The following PARP4 variants were observed in gnomAD, a reference collection of about 807,000 sequenced individuals.
The protein encoded by PARP4 is poly(ADP-ribose) polymerase family member 4.
Under a neutral mutation model 187.7 loss-of-function variants are expected in PARP4, and 120 were observed. The observed-to-expected ratio is 0.64, with a 90% CI of 0.55 to 0.74. The LOEUF (loss-of-function observed/expected upper bound fraction) is 0.74. Among genes scored for constraint, PARP4 ranks in the 30% least tolerant of loss-of-function variants. The pLI is 0.00. For synonymous variants in PARP4, 654 were observed against 740.9 expected (o/e 0.88, Z 1.90); for missense variants, 1,836 against 2,070.5 (o/e 0.89, Z 2.20).
rs1383528829 is a variant in PARP4 at position 24,494,733 on chromosome 13, T to C, written c.592-11A>G. 6 of 1,585,206 alleles carry C rather than the reference T, an allele frequency of 3.8e-6. No individual in the cohort carries two copies. The highest frequency in any genetic ancestry group is 5.2e-6 in the Non-Finnish European group (6 of 1,161,534). Reference sequence around the variant, plus strand: ...AAACTGTCTTCTAGTCTGTGAATTATGGTGTATAGCAAAAGTACAGTCATT... The same window carrying C: ...AAACTGTCTTCTAGTCTGTGAATTACGGTGTATAGCAAAAGTACAGTCATT... On this transcript the variant is annotated splice_polypyrimidine_tract_variant and intron_variant, in intron 6 of 33. Coordinates refer to ENST00000381989, the MANE Select transcript of PARP4 (RefSeq NM_006437.4).
rs759319570 is a variant in PARP4 at position 24,475,612 on chromosome 13, G to A, written c.1790-16C>T. 8 of 1,612,410 alleles carry A rather than the reference G, an allele frequency of 5.0e-6. No individual in the cohort carries two copies. The highest frequency in any genetic ancestry group is 6.8e-6 in the Non-Finnish European group (8 of 1,178,806). ...AACTGGTAATCTAAACGTTAAAAATGTTACTATTAGCTTTCAAAACCATCC... is the reference window on the plus strand; with the variant it reads ...AACTGGTAATCTAAACGTTAAAAATATTACTATTAGCTTTCAAAACCATCC... On this transcript the variant is annotated splice_polypyrimidine_tract_variant and intron_variant, in intron 14 of 33. Transcript: ENST00000381989.
chr13:24,475,774 TGA>T (rs1872953361), intron 14 of PARP4, among the ~76,000 whole-genome samples, 178 bp from the exon 15 acceptor site: 1 of 146,308 alleles, frequency 6.8e-6, no homozygotes, highest in East Asian at 2.1e-4. Context: ...ATGAGAAAAA[TGA>T]GAGGTGCCTT....
At chr13:24,495,821 G>A (rs1868913432) in intron 6 of PARP4, among the ~76,000 whole-genome samples, 1 of 152,190 alleles carries the variant, frequency 6.6e-6, no homozygotes, top group Non-Finnish European at 1.5e-5. Flanking sequence ...AGACGGTAGA[G>A]TTTAACATAA....
Position 24,449,806 on chromosome 13 carries a change from T to C in PARP4, c.3026A>G (p.Asn1009Ser), listed in dbSNP as rs144913046. Reference protein sequence around the residue: ...LFACGIGSTANRHVLRILSQC... With the variant: ...LFACGIGSTASRHVLRILSQC... ...GGACAAAATCCTTAAGACGTGACGATTTGCTGTAGAACTGATCACATTTCA... is the reference window on the plus strand; with the variant it reads ...GGACAAAATCCTTAAGACGTGACGACTTGCTGTAGAACTGATCACATTTCA... The change falls in exon 25 of 34, where the codon AAT (asparagine) becomes AGT (serine). Residue 1009 changes from asparagine (N) to serine (S), a missense_variant. By Grantham distance (46) the Asn-to-Ser change is conservative. This residue lies in a region of PARP4 where 56 missense variants were observed against 103.7 expected (regional missense o/e 0.54). Coordinates refer to ENST00000381989, the MANE Select transcript of PARP4 (RefSeq NM_006437.4). 8 of 1,598,698 alleles carry C rather than the reference T, an allele frequency of 5.0e-6. No homozygotes were observed. The highest frequency in any genetic ancestry group is 1.3e-5 in the African/African-American group (1 of 74,428).
chr13:24,506,069 C>T (rs942742079), intron 1 of PARP4, among the ~76,000 whole-genome samples: 15 of 152,226 alleles, frequency 9.9e-5, no homozygotes, highest in Non-Finnish European at 2.1e-4. Context: ...TTCTTGGTCT[C>T]ACTGACTTCA....
At position 24,493,620 on chromosome 13, in the gene PARP4, T is replaced by C. The variant is rs1351657895; in HGVS notation, c.855A>G (p.Pro285=). ...CATCGTTGAGGCTAATCCTGTTCAC[T>C]GGCTTGAGAAGCATGTGTTCCAGGT... ...LGHLEHMLLK[P]VNRISLNDVS... The change falls in exon 8 of 34, where the codon CCA becomes CCG. Residue 285 remains proline (P), a synonymous_variant. Coordinates refer to ENST00000381989, the MANE Select transcript of PARP4 (RefSeq NM_006437.4). 4.3e-6 allele frequency: 7 copies of C among 1,612,412 alleles called. No individual in the cohort carries two copies. The highest frequency in any genetic ancestry group is 5.9e-6 in the Non-Finnish European group (7 of 1,179,654).
At chr13:24,486,450 G>C in intron 10 of PARP4, 145 bp from the exon 11 acceptor site, 2 of 583,390 alleles carry the variant, frequency 3.4e-6, no homozygotes. Flanking sequence ...TATCTTGGAA[G>C]TATTATGTAG....
intron 25 of PARP4, among the ~76,000 whole-genome samples, chr13:24,449,194 C>A (rs998904095): frequency 3.9e-5 from 6 of 152,070 alleles, no homozygotes; most frequent in South Asian, 2.1e-4. Context: ...CAAGACCATC[C>A]TGGCTAACAC....
At position 24,435,422 on chromosome 13, in the gene PARP4, T is replaced by C. The variant is rs777690966; in HGVS notation, c.3719A>G (p.His1240Arg). Residue 1240 changes from histidine to arginine, a missense_variant, in exon 31 of 34, where the codon CAT becomes CGT. By Grantham distance (29) the His-to-Arg change is conservative (BLOSUM62 0). Transcript: ENST00000381989. ...WPELRLSKRK[H>R]RKIPFSKRKM... Reference sequence around the variant, plus strand: ...TCTTTTGGAAAATGGAATTTTCCTATGTTTTCGTTTGGATAAACGTAATTC... The same window carrying C: ...TCTTTTGGAAAATGGAATTTTCCTACGTTTTCGTTTGGATAAACGTAATTC... 3.5e-5 allele frequency: 57 copies of C among 1,610,526 alleles called. No homozygotes were observed. In the South Asian group the frequency reaches 5.4e-4, roughly 15 times the overall value.
At chr13:24,497,738 T>C (rs930752860) in intron 6 of PARP4, among the ~76,000 whole-genome samples, 8 of 152,088 alleles carry the variant, frequency 5.3e-5, no homozygotes, top group Non-Finnish European at 1.0e-4. Flanking sequence ...CAAGAGGTAA[T>C]TGATTAATTA....
intron 12 of PARP4, among the ~76,000 whole-genome samples, chr13:24,481,148 G>A (rs990295411): frequency 2.6e-5 from 4 of 152,342 alleles, no homozygotes; most frequent in Admixed American, 6.5e-5. Flanking sequence ...CAAATGGAAC[G>A]ACAAAACCTG....
intron 21 of PARP4, among the ~76,000 whole-genome samples, chr13:24,455,479 A>AT (rs1871775335): frequency 8.0e-6 from 1 of 125,014 alleles, no homozygotes; most frequent in Non-Finnish European, 1.7e-5. Context: ...ATTATGGAAC[A>AT]AATATATATA....
chr13:24,445,685 T>C (rs1331921916), intron 27 of PARP4, among the ~76,000 whole-genome samples: 1 of 152,250 alleles, frequency 6.6e-6, no homozygotes, highest in Non-Finnish European at 1.5e-5. Context: ...AAATCAGTAA[T>C]ACTAAGGTAA....
chr13:24,487,280 C>T (rs1206223059), intron 10 of PARP4, among the ~76,000 whole-genome samples: 3 of 147,140 alleles, frequency 2.0e-5, no homozygotes, highest in Admixed American at 6.7e-5. Context: ...AAAAAGTGAT[C>T]AAATACCTTA....
Position 24,501,839 on chromosome 13 carries a change from G to C in PARP4, c.133-5C>G, listed in dbSNP as rs758453520. The C allele has an allele frequency of 3.2e-6, 5 of 1,553,258 alleles. No homozygotes were observed. Among genetic ancestry groups the C allele is most frequent in the Non-Finnish European group, 4.4e-6 (5 of 1,135,684 alleles). ...ATCTAAGATTATATGTGTGCACTAA[G>C]GAAAAAAAGAGTCAATCCATTATGC... On this transcript the variant is annotated splice_polypyrimidine_tract_variant and splice_region_variant and intron_variant, in intron 2 of 33. Coordinates refer to ENST00000381989, the MANE Select transcript of PARP4 (RefSeq NM_006437.4).
chr13:24,427,260 T>C lies in PARP4; in HGVS notation c.4847-662A>G, dbSNP rs149837914. Reference sequence around the variant, plus strand: ...AATTATTTCTAGTGGTTAGTACCTATAGGTATCCAAGATATTTTACTATAT... The same window carrying C: ...AATTATTTCTAGTGGTTAGTACCTACAGGTATCCAAGATATTTTACTATAT... On this transcript the variant is annotated intron_variant, in intron 32 of 33. Transcript: ENST00000381989. 1.2e-4 allele frequency among the ~76,000 whole-genome samples: 18 copies of C among 152,332 alleles called. No individual in the cohort carries two copies. In the East Asian group the frequency reaches 1.5e-3, roughly 13 times the overall value.
At chr13:24,424,520 T>C (rs139054420) in intron 33 of PARP4, among the ~76,000 whole-genome samples, 1 of 152,330 alleles carries the variant, frequency 6.6e-6, no homozygotes, top group Non-Finnish European at 1.5e-5. Flanking sequence ...TTTGATTTTA[T>C]ACATATTAGT....
At chr13:24,431,601 C>T in intron 31 of PARP4, 125 bp from the exon 32 acceptor site, 1 of 658,126 alleles carries the variant, frequency 1.5e-6, no homozygotes, top group Non-Finnish European at 2.7e-6. Context: ...GGCAACAAGA[C>T]AATTAGAAGC....
intron 27 of PARP4, among the ~76,000 whole-genome samples, chr13:24,444,113 T>G (rs1871088313): frequency 6.6e-6 from 1 of 152,270 alleles, no homozygotes; most frequent in African/African-American, 2.4e-5. Flanking sequence ...TGCCCGTCCG[T>G]GAACATGGTC....
Sources: gnomAD v4.1 joint callset for allele counts (sites outside exome capture counted in the v4.1 genomes callset) on GRCh38, gnomAD v4.1.1 for gene constraint, gnomAD v4.1.1 regional missense constraint, MANE v1.5 for transcripts, NCBI Gene and HGNC (gene_info 2026-07-23, HGNC 2026-07-21) for gene names.